The following PARM1 variants were observed in gnomAD, a reference collection of about 807,000 sequenced individuals.
The protein encoded by PARM1 is WSC4, cell wall integrity and stress response component 4 homolog.
A neutral mutation model predicts 24.6 loss-of-function variants in PARM1; 14 were observed. The ratio of observed to expected loss-of-function variants is 0.57; its 90% CI spans 0.38 to 0.89. The LOEUF (loss-of-function observed/expected upper bound fraction) is 0.89. Among genes scored for constraint, PARM1 ranks in the 40% least tolerant of loss-of-function variants. The pLI is 0.00. For missense variants in PARM1, 362 were observed against 380.4 expected, an observed-to-expected ratio of 0.95 and a Z score of 0.40; for synonymous variants, 179 against 156.6, an observed-to-expected ratio of 1.14 and a Z score of -1.07.
In PARM1 at chr4:74,977,946, T is replaced by C. The variant is rs1722170155; in HGVS notation, c.44-34479T>C. Among the ~76,000 whole-genome samples, 3 of 152,312 alleles carry C rather than the reference T, an allele frequency of 2.0e-5. No homozygotes were observed. The South Asian group carries it at 6.2e-4, about 32-fold the overall frequency. ...GAATTAGTCACCACCAGGCTTGCCT[T>C]GCAAGAGCTCCTGAAGGAAGCACTA... On this transcript the variant is annotated intron_variant, in intron 1 of 3. Coordinates refer to ENST00000307428, the MANE Select transcript of PARM1 (RefSeq NM_015393.4).
chr4:74,958,342 C>T (rs1578027867), intron 1 of PARM1, among the ~76,000 whole-genome samples: 1 of 152,156 alleles, frequency 6.6e-6, no homozygotes, highest in Non-Finnish European at 1.5e-5. Flanking sequence ...GGGGGCCATA[C>T]ATGTGTACTG....
intron 3 of PARM1, among the ~76,000 whole-genome samples, chr4:75,042,884 C>T (rs1374598124): frequency 6.6e-6 from 1 of 151,284 alleles, no homozygotes; most frequent in Non-Finnish European, 1.5e-5. Context: ...TCATCCATAT[C>T]TCTTGTATAT....
At chr4:74,993,189 T>G (rs902576571) in intron 1 of PARM1, among the ~76,000 whole-genome samples, 1 of 152,156 alleles carries the variant, frequency 6.6e-6, no homozygotes, top group South Asian at 2.1e-4. Flanking sequence ...CTTGCTTGGA[T>G]GAAGCAATCT....
chr4:74,945,835 C>T (rs1721401559), intron 1 of PARM1, among the ~76,000 whole-genome samples: 1 of 152,088 alleles, frequency 6.6e-6, no homozygotes, highest in African/African-American at 2.4e-5. Context: ...ATAATCTTTT[C>T]AACAAAATAA....
intron 1 of PARM1, among the ~76,000 whole-genome samples, chr4:74,982,778 A>G (rs1316243984): frequency 6.6e-6 from 1 of 152,240 alleles, no homozygotes; most frequent in Admixed American, 6.5e-5. Context: ...CAATCTCCCT[A>G]GTGATATGCT....
At chr4:74,947,100 G>T (rs985295887) in intron 1 of PARM1, among the ~76,000 whole-genome samples, 5 of 152,204 alleles carry the variant, frequency 3.3e-5, no homozygotes, top group Non-Finnish European at 7.3e-5. Context: ...ATCATCAGTG[G>T]CTGCCAACAC....
intron 1 of PARM1, among the ~76,000 whole-genome samples, chr4:74,990,550 C>T (rs1187835936): frequency 6.6e-6 from 1 of 152,068 alleles, no homozygotes. Flanking sequence ...CAGGCTCTGT[C>T]TGTGATCCAA....
At chr4:75,019,280 C>T (rs1051405257) in intron 2 of PARM1, among the ~76,000 whole-genome samples, 1 of 152,156 alleles carries the variant, frequency 6.6e-6, no homozygotes, top group Non-Finnish European at 1.5e-5. Flanking sequence ...TCAGTACATG[C>T]CTGAGGGATT....
intron 2 of PARM1, among the ~76,000 whole-genome samples, chr4:75,014,435 A>G (rs919806928): frequency 5.4e-4 from 82 of 152,188 alleles, no homozygotes; most frequent in African/African-American, 1.9e-3. Context: ...AGGGGGTCAC[A>G]ATAACAGGGC....
At chr4:74,942,112 A>T (rs1372974452) in intron 1 of PARM1, among the ~76,000 whole-genome samples, 1 of 152,192 alleles carries the variant, frequency 6.6e-6, no homozygotes, top group East Asian at 1.9e-4. Flanking sequence ...AAGTATGTAT[A>T]CCAACAGGCA....
intron 1 of PARM1, among the ~76,000 whole-genome samples, chr4:74,949,112 A>G (rs1030618980): frequency 2.0e-5 from 3 of 152,216 alleles, no homozygotes; most frequent in African/African-American, 7.2e-5. Flanking sequence ...CATTACCTGA[A>G]CATCCTTATG....
intron 1 of PARM1, among the ~76,000 whole-genome samples, chr4:74,934,757 C>T (rs1314525430): frequency 7.9e-5 from 12 of 152,176 alleles, no homozygotes; most frequent in Admixed American, 7.9e-4. Flanking sequence ...GCAGGAGATG[C>T]TTACGTAATG....
At chr4:74,981,952 T>C (rs1179278515) in intron 1 of PARM1, among the ~76,000 whole-genome samples, 2 of 151,180 alleles carry the variant, frequency 1.3e-5, no homozygotes, top group Non-Finnish European at 2.9e-5. Context: ...TGGATATACA[T>C]TCAAAGGAAT....
At chr4:74,997,944 C>A (rs1325539347) in intron 1 of PARM1, among the ~76,000 whole-genome samples, 1 of 152,200 alleles carries the variant, frequency 6.6e-6, no homozygotes, top group Non-Finnish European at 1.5e-5. Flanking sequence ...TTGAGCTTAA[C>A]AGAGCCAATT....
intron 1 of PARM1, among the ~76,000 whole-genome samples, chr4:75,004,862 A>G (rs944172238): frequency 6.6e-6 from 1 of 152,228 alleles, no homozygotes; most frequent in African/African-American, 2.4e-5. Context: ...TCCCAATTCA[A>G]TACTATAGAA....
At chr4:74,963,450 G>A (rs147671925) in intron 1 of PARM1, among the ~76,000 whole-genome samples, 235 of 152,278 alleles carry the variant, frequency 1.5e-3, no homozygotes, top group Middle Eastern at 0.01. Context: ...GTATATACAT[G>A]CAGTGAAATA....
At chr4:74,947,358 A>G (rs1238146412) in intron 1 of PARM1, among the ~76,000 whole-genome samples, 1 of 152,186 alleles carries the variant, frequency 6.6e-6, no homozygotes, top group African/African-American at 2.4e-5. Context: ...AATGAATTAC[A>G]AGGAAAAAAA....
At chr4:75,029,465 G>A (rs1382541496) in intron 2 of PARM1, among the ~76,000 whole-genome samples, 1 of 152,188 alleles carries the variant, frequency 6.6e-6, no homozygotes, top group Non-Finnish European at 1.5e-5. Flanking sequence ...TCTCGTGATA[G>A]TGAAGATCTG....
chr4:75,038,385 T>G (rs1030525627), intron 3 of PARM1, among the ~76,000 whole-genome samples: 9 of 152,248 alleles, frequency 5.9e-5, no homozygotes, highest in African/African-American at 2.2e-4. Flanking sequence ...GTTACTGCTG[T>G]AGTTTTTAGA....
Sources: gnomAD v4.1 joint callset for allele counts (sites outside exome capture counted in the v4.1 genomes callset) on GRCh38, gnomAD v4.1.1 for gene constraint, MANE v1.5 for transcripts, NCBI Gene and HGNC (gene_info 2026-07-23, HGNC 2026-07-21) for gene names.